ADAMTSL1: variants seen among roughly 807,000 people sequenced by gnomAD.
ADAMTSL1 encodes the protein ADAMTS-like protein 1.
Under a neutral mutation model 201.8 loss-of-function variants are expected in ADAMTSL1, and 126 were observed. The ratio of observed to expected loss-of-function variants is 0.62; its 90% CI spans 0.54 to 0.72. The LOEUF (loss-of-function observed/expected upper bound fraction) is 0.72. Among genes scored for constraint, ADAMTSL1 ranks in the 30% least tolerant of loss-of-function variants. The pLI, the probability that ADAMTSL1 is intolerant of heterozygous loss-of-function variation, is 0.00. For missense variants in ADAMTSL1, 2,679 were observed against 2,277.8 expected, an observed-to-expected ratio of 1.18 and a Z score of -3.59; for synonymous variants, 1,121 against 903.4, an observed-to-expected ratio of 1.24 and a Z score of -4.32.
rs191514215 is a variant in ADAMTSL1, at chr9:18,047,072, G to A, written c.88-116790G>A. ...ACATAGGATAATGGGGCCTTAAATT[G>A]ACAAGGGTGAAAATAAAAATAAAAG... On this transcript the variant is annotated intron_variant, in intron 1 of 29. Coordinates refer to the ADAMTSL1 transcript ENST00000680146. Among the ~76,000 whole-genome samples the A allele has an allele frequency of 1.1e-4, 16 of 152,172 alleles. No homozygotes were observed. The East Asian group carries it at 3.1e-3, about 29-fold the overall frequency.
intron 1 of ADAMTSL1, among the ~76,000 whole-genome samples, chr9:18,037,966 C>T (rs1189528782): frequency 6.6e-6 from 1 of 150,970 alleles, no homozygotes; most frequent in East Asian, 1.9e-4. Context: ...GCATATATAC[C>T]AAGAATCTAA....
intron 15 of ADAMTSL1, among the ~76,000 whole-genome samples, chr9:18,745,277 T>C (rs1368645456): frequency 5.3e-5 from 8 of 152,236 alleles, no homozygotes; most frequent in African/African-American, 1.9e-4. Context: ...TAATAAGCAT[T>C]CTACTCTAAG....
At chr9:18,358,421 G>A (rs1337898728) in intron 2 of ADAMTSL1, among the ~76,000 whole-genome samples, 7 of 152,052 alleles carry the variant, frequency 4.6e-5, no homozygotes, top group Non-Finnish European at 8.8e-5. Flanking sequence ...ATAAAATTTA[G>A]TTATTTTACG....
chr9:18,342,292 T>C (rs1339254364), intron 2 of ADAMTSL1, among the ~76,000 whole-genome samples: 3 of 152,296 alleles, frequency 2.0e-5, no homozygotes, highest in Non-Finnish European at 4.4e-5. Context: ...TTTTAAAAAA[T>C]ATTTAGACAG....
intron 2 of ADAMTSL1, among the ~76,000 whole-genome samples, chr9:18,210,407 TA>T (rs1829819234): frequency 1.4e-5 from 2 of 146,480 alleles, no homozygotes; most frequent in African/African-American, 2.5e-5. Flanking sequence ...TATATATTAT[TA>T]TATATGATAT....
At chr9:18,030,072 C>A (rs1037153056) in intron 1 of ADAMTSL1, among the ~76,000 whole-genome samples, 27 of 151,918 alleles carry the variant, frequency 1.8e-4, no homozygotes, top group East Asian at 5.8e-4. Flanking sequence ...ATTATAAATC[C>A]TGCTGCTATA....
At chr9:18,489,059 G>A (rs769036451) in intron 1 of ADAMTSL1, among the ~76,000 whole-genome samples, 36 of 152,146 alleles carry the variant, frequency 2.4e-4, no homozygotes, top group Non-Finnish European at 5.0e-4. Context: ...GTGGCTGGCA[G>A]CCTCCATCCC....
intron 6 of ADAMTSL1, among the ~76,000 whole-genome samples, chr9:18,636,412 C>G (rs1049096326): frequency 6.6e-6 from 1 of 151,778 alleles, no homozygotes; most frequent in Non-Finnish European, 1.5e-5. Context: ...CTTTTTCTAC[C>G]TACTTTCATG....
rs2133630254 is a variant in ADAMTSL1, at chr9:18,756,243, C to T, written c.2217+2735C>T. ...GCAGTGAGCCGAGATTGCACCACTA[C>T]ACTCCAGCCTGGGTGACAGAGCAAG... On this transcript the variant is annotated intron_variant, in intron 16 of 28. Transcript: ENST00000380548. Among the ~76,000 whole-genome samples the T allele has an allele frequency of 3.2e-5, 4 of 124,928 alleles. 1 individual carries two copies. In the Admixed American group the frequency reaches 3.8e-4, roughly 12 times the overall value. 82.0% of individuals were successfully genotyped at this position (124,928 alleles called of 152,430 possible).
chr9:18,309,661 C>T (rs911860791), intron 2 of ADAMTSL1, among the ~76,000 whole-genome samples: 2 of 151,944 alleles, frequency 1.3e-5, no homozygotes, highest in South Asian at 2.1e-4. Flanking sequence ...GAACTAAAAA[C>T]CACTGCTCAA....
chr9:18,657,098 A>T (rs1828735334), intron 7 of ADAMTSL1, among the ~76,000 whole-genome samples: 1 of 152,214 alleles, frequency 6.6e-6, no homozygotes, highest in Non-Finnish European at 1.5e-5. Flanking sequence ...ATGGGCCCAG[A>T]AGTTTGCCTT....
chr9:17,972,877 C>T (rs1206391180), intron 1 of ADAMTSL1, among the ~76,000 whole-genome samples: 1 of 146,090 alleles, frequency 6.8e-6, no homozygotes, highest in East Asian at 2.0e-4. Flanking sequence ...GAGATGGTAT[C>T]TCATTGTGGT....
intron 2 of ADAMTSL1, among the ~76,000 whole-genome samples, chr9:18,300,780 AC>A (rs1315972657): frequency 3.8e-4 from 58 of 152,102 alleles, no homozygotes; most frequent in African/African-American, 1.3e-3. Context: ...TCCCATGATG[AC>A]ACCTGGGTAG....
At position 18,776,829 on chromosome 9, in the gene ADAMTSL1, G is replaced by T; in HGVS notation, c.2600G>T (p.Arg867Met). Reference sequence around the variant, plus strand: ...CACAGCCCGCACATCGCGGCCGCCAGGAAGGTCTACATACAGACTCGCAGG... The same window carrying T: ...CACAGCCCGCACATCGCGGCCGCCATGAAGGTCTACATACAGACTCGCAGG... Reference protein sequence around the residue: ...TKHSPHIAAARKVYIQTRRQR... With the variant: ...TKHSPHIAAAMKVYIQTRRQR... Residue 867 changes from arginine (R) to methionine (M), a missense_variant, in exon 19 of 29, where the codon AGG (arginine) becomes ATG (methionine). By Grantham distance (91) the Arg-to-Met change is moderately conservative. Transcript: ENST00000380548. 1 of 1,589,040 alleles carries T rather than the reference G, an allele frequency of 6.3e-7. No homozygotes were observed.
intron 2 of ADAMTSL1, among the ~76,000 whole-genome samples, chr9:18,285,486 GT>G (rs1832957466): frequency 6.6e-6 from 1 of 152,016 alleles, no homozygotes; most frequent in African/African-American, 2.4e-5. Flanking sequence ...AGCTACTGCA[GT>G]TTATTAGTTT....
At chr9:17,938,049 C>T (rs1563907656) in intron 1 of ADAMTSL1, among the ~76,000 whole-genome samples, 3 of 151,934 alleles carry the variant, frequency 2.0e-5, no homozygotes, top group Admixed American at 6.6e-5. Flanking sequence ...TTGAAATACA[C>T]GTGGGTTTAA....
At chr9:18,653,965 C>T (rs764480920) in intron 7 of ADAMTSL1, among the ~76,000 whole-genome samples, 3 of 152,180 alleles carry the variant, frequency 2.0e-5, no homozygotes, top group Non-Finnish European at 2.9e-5. Context: ...TGGTGGCTCA[C>T]GCCTGTAATC....
chr9:18,769,677 G>C (rs1820573428), intron 16 of ADAMTSL1, among the ~76,000 whole-genome samples: 1 of 152,148 alleles, frequency 6.6e-6, no homozygotes, highest in Admixed American at 6.5e-5. Context: ...AAAGAGAAGG[G>C]AAGAGATGCC....
At chr9:18,624,414 C>T (rs554768199) in intron 5 of ADAMTSL1, among the ~76,000 whole-genome samples, 17 of 152,262 alleles carry the variant, frequency 1.1e-4, no homozygotes, top group Admixed American at 1.1e-3. Context: ...TAAAAGATCA[C>T]TCTTAAGAAC....
Sources: allele counts gnomAD v4.1 joint callset (sites outside exome capture counted in the v4.1 genomes callset), GRCh38; gene constraint gnomAD v4.1.1; transcripts MANE v1.5; gene names NCBI Gene and HGNC (gene_info 2026-07-23, HGNC 2026-07-21).